Variants in MGAT5 observed in about 807,000 individuals in gnomAD.
MGAT5 encodes the protein alpha-1,6-mannosylglycoprotein 6-beta-N-acetylglucosaminyltransferase, also known as alpha-1,6-mannosylglycoprotein 6-beta-N-acetylglucosaminyltransferase A.
Under a neutral mutation model 94.3 loss-of-function variants are expected in MGAT5, and 30 were observed. That is an observed-to-expected ratio of 0.32 (90% CI 0.24 to 0.43). MGAT5 has a LOEUF of 0.43. MGAT5 is among the 20% of genes least tolerant of loss of function. The pLI is 1.00. For synonymous variants in MGAT5, 310 were observed against 322.9 expected, an observed-to-expected ratio of 0.96 and a Z score of 0.43; for missense variants, 691 against 905.5, an observed-to-expected ratio of 0.76 and a Z score of 3.04.
chr2:134,323,095 G>A (rs72978179), intron 4 of MGAT5, among the ~76,000 whole-genome samples: 3,554 of 152,214 alleles, frequency 0.023, 148 homozygotes, highest in African/African-American at 0.081. Flanking sequence ...ACCAGCTTCC[G>A]CTGAGTTATG....
intron 15 of MGAT5, 139 bp downstream of exon 15, chr2:134,442,054 A>G: frequency 1.1e-6 from 1 of 943,050 alleles, no homozygotes; most frequent in Non-Finnish European, 1.6e-6. Flanking sequence ...AGTAGGTTGC[A>G]GCAGGATCCC....
rs562312560 is a variant in MGAT5 at position 134,165,753 on chromosome 2, C to T, written c.-143+45462C>T. On this transcript the variant is annotated intron_variant, in intron 1 of 16. Coordinates refer to the MGAT5 transcript ENST00000409645. ...TGGTGCCACTGCACTCCAGCCTGGGCGACAGAGCGAAACTCTGTCTCAAAA... is the reference window on the plus strand; with the variant it reads ...TGGTGCCACTGCACTCCAGCCTGGGTGACAGAGCGAAACTCTGTCTCAAAA... Among the ~76,000 whole-genome samples, 125 of 151,496 alleles carry T rather than the reference C, an allele frequency of 8.3e-4. 2 individuals are homozygous for T. Among genetic ancestry groups the T allele is most frequent in the South Asian group, 4.8e-3 (23 of 4,792 alleles).
chr2:134,209,165 T>A (rs1312956189), intron 1 of MGAT5, among the ~76,000 whole-genome samples: 1 of 20,994 alleles, frequency 4.8e-5, no homozygotes, highest in Non-Finnish European at 6.6e-5. Context: ...TTTTTTTTTT[T>A]TTTTATTTTT....
At chr2:134,164,007 A>G (rs1263664026) in intron 1 of MGAT5, among the ~76,000 whole-genome samples, 1 of 152,234 alleles carries the variant, frequency 6.6e-6, no homozygotes, top group African/African-American at 2.4e-5. Flanking sequence ...GAGAGAAGAA[A>G]TGCAGTGTGT....
At chr2:134,398,237 C>T (rs75418881) in intron 10 of MGAT5, among the ~76,000 whole-genome samples, 2,442 of 152,232 alleles carry the variant, frequency 0.016, 26 homozygotes, top group Non-Finnish European at 0.024. Flanking sequence ...AGCTGTGGAC[C>T]GAGACCCTGC....
In MGAT5 at chr2:134,254,321, C is replaced by A; in HGVS notation, c.-83C>A. On this transcript the variant is annotated 5_prime_UTR_variant, in exon 1 of 16. Coordinates refer to ENST00000281923, the MANE Select transcript of MGAT5 (RefSeq NM_002410.5). The stretch of plus-strand genomic sequence containing the variant: ...CAGGAGCCAGAGTGAGACCAGCAGA[C>A]TCTCACACTCAACCTACACCATGAA... 1.3e-6 allele frequency: 2 copies of A among 1,518,322 alleles called. No homozygotes were observed. The highest frequency in any genetic ancestry group is 1.8e-6 in the Non-Finnish European group (2 of 1,116,988). 94.1% of individuals were successfully genotyped at this position (1,518,322 alleles called of 1,614,324 possible). A position where few individuals can be genotyped will look rare whatever the true frequency, so the allele number is the denominator to read the frequency against.
At chr2:134,405,599 T>C (rs1553461787) in intron 11 of MGAT5, among the ~76,000 whole-genome samples, 2 of 152,206 alleles carry the variant, frequency 1.3e-5, no homozygotes, top group Non-Finnish European at 2.9e-5. Flanking sequence ...CTAATCCACA[T>C]TGGAAATGGG....
At chr2:134,425,631 T>G (rs1277715866) in intron 13 of MGAT5, among the ~76,000 whole-genome samples, 6 of 152,186 alleles carry the variant, frequency 3.9e-5, no homozygotes, top group African/African-American at 1.4e-4. Context: ...CATTTCTTAT[T>G]GAATGATGCC....
chr2:134,399,039 T>C (rs1682880172), intron 10 of MGAT5, among the ~76,000 whole-genome samples: 1 of 152,204 alleles, frequency 6.6e-6, no homozygotes, highest in Non-Finnish European at 1.5e-5. Flanking sequence ...ATTGTCTATT[T>C]CAGATTAGCT....
At chr2:134,347,346 G>A (rs1688979724) in intron 8 of MGAT5, among the ~76,000 whole-genome samples, 1 of 152,104 alleles carries the variant, frequency 6.6e-6, no homozygotes, top group Non-Finnish European at 1.5e-5. Flanking sequence ...CCTCTTTCAG[G>A]AAGAGCCCAG....
intron 4 of MGAT5, among the ~76,000 whole-genome samples, chr2:134,327,854 A>T (rs950803486): frequency 1.7e-4 from 26 of 152,134 alleles, no homozygotes; most frequent in Non-Finnish European, 3.7e-4. Flanking sequence ...CACTTAGCAT[A>T]ATTGCACATT....
intron 1 of MGAT5, among the ~76,000 whole-genome samples, chr2:134,155,105 G>A (rs772325474): frequency 6.6e-6 from 1 of 152,166 alleles, no homozygotes; most frequent in African/African-American, 2.4e-5. Flanking sequence ...GTTAGGACGC[G>A]CAAACTTTGT....
chr2:134,273,983 A>G (rs556326954), intron 2 of MGAT5, among the ~76,000 whole-genome samples: 1 of 152,326 alleles, frequency 6.6e-6, no homozygotes, highest in South Asian at 2.1e-4. Flanking sequence ...CTCTCCTTTT[A>G]GAATGATGCT....
chr2:134,269,806 C>T (rs998145682), intron 1 of MGAT5, among the ~76,000 whole-genome samples: 1 of 152,148 alleles, frequency 6.6e-6, no homozygotes, highest in Non-Finnish European at 1.5e-5. Context: ...TATTTGTGAG[C>T]AAATGAATGA....
intron 1 of MGAT5, among the ~76,000 whole-genome samples, chr2:134,216,230 G>C (rs1197557886): frequency 6.6e-6 from 1 of 152,192 alleles, no homozygotes; most frequent in African/African-American, 2.4e-5. Flanking sequence ...TGAGCTAGCA[G>C]AATTTATTAG....
intron 13 of MGAT5, among the ~76,000 whole-genome samples, chr2:134,425,302 T>C (rs1162208168): frequency 6.6e-6 from 1 of 152,180 alleles, no homozygotes; most frequent in East Asian, 1.9e-4. Flanking sequence ...GGCCTTTCAA[T>C]AGGCCATGGT....
At chr2:134,381,379 AGATT>A (rs1367961440) in intron 10 of MGAT5, among the ~76,000 whole-genome samples, 3,500 of 70,164 alleles carry the variant, frequency 0.05, 54 homozygotes, top group East Asian at 0.068. Flanking sequence ...AAGATAAGAT[AGATT>A]AGATAGATAG....
chr2:134,346,825 T>C (rs193040987), intron 8 of MGAT5, among the ~76,000 whole-genome samples: 8 of 152,262 alleles, frequency 5.3e-5, no homozygotes, highest in African/African-American at 1.9e-4. Flanking sequence ...ACAAGGCCTT[T>C]GTTGAAGGAC....
rs59205707 is a variant in MGAT5 at position 134,388,437 on chromosome 2, TA to T, written c.1381-14541del. 1.7e-4 allele frequency among the ~76,000 whole-genome samples: 25 copies of T among 148,442 alleles called. No homozygotes were observed. In the Middle Eastern group the frequency reaches 0.01, roughly 62 times the overall value. On this transcript the variant is annotated intron_variant, in intron 10 of 15. Coordinates refer to ENST00000281923, the MANE Select transcript of MGAT5 (RefSeq NM_002410.5). ...TGTATCTCTAAGATATGAAGATCTT[TA>T]AAAAAAAAACCCACTGCTATTACAC... is the stretch of plus-strand genomic sequence containing the variant.
Sources: allele counts gnomAD v4.1 joint callset (sites outside exome capture counted in the v4.1 genomes callset), GRCh38; gene constraint gnomAD v4.1.1; transcripts MANE v1.5; gene names NCBI Gene and HGNC (gene_info 2026-07-23, HGNC 2026-07-21).